RNF216: variants seen among roughly 807,000 people sequenced by gnomAD.
RNF216 encodes the protein ring finger protein 216, also known as E3 ubiquitin-protein ligase RNF216.
RNF216 carries 72 observed loss-of-function variants against 110.8 expected under a neutral mutation model. That is an observed-to-expected ratio of 0.65 (90% CI 0.54 to 0.79). RNF216 has a LOEUF of 0.79. RNF216 is among the 30% of genes least tolerant of loss of function. RNF216 has a pLI of 0.00. For missense variants in RNF216, 1,342 were observed against 1,141.2 expected, an observed-to-expected ratio of 1.18 and a Z score of -2.54; for synonymous variants, 495 against 407.5, an observed-to-expected ratio of 1.21 and a Z score of -2.59.
At position 5,641,212 on chromosome 7, in the gene RNF216, C is replaced by T; in HGVS notation, c.2324G>A (p.Arg775His). The T allele has an allele frequency of 6.2e-7, 1 of 1,614,086 alleles. No individual in the cohort carries two copies. The highest frequency in any genetic ancestry group is 8.5e-7 in the Non-Finnish European group (1 of 1,180,018). The change falls in exon 15 of 17, where the codon CGC (arginine) becomes CAC (histidine). Residue 775 changes from arginine (R) to histidine (H), a missense_variant. Coordinates refer to ENST00000389902, the MANE Select transcript of RNF216 (RefSeq NM_207111.4). ...CTCCTGGCAAGGGGCTCCTGGTGAGCGGGGATGTTGGCAGAAATGGTCATA... is the reference window on the plus strand; with the variant it reads ...CTCCTGGCAAGGGGCTCCTGGTGAGTGGGGATGTTGGCAGAAATGGTCATA... ...NGYDHFCQHP[R>H]SPGAPCQECS...
rs1791656022 is a variant in RNF216 at position 5,696,767 on chromosome 7, A to G, written c.2061+14994T>C. ...AAAGTAATCACAGCAAATACCTGCA[A>G]CATTGTACGAACGGGCTCTGGGAGG... On this transcript the variant is annotated intron_variant, in intron 13 of 16. Coordinates refer to ENST00000389902, the MANE Select transcript of RNF216 (RefSeq NM_207111.4). The surrounding 1 kb of genome is among the most constrained non-coding windows in gnomAD (Gnocchi z 5.4). 1.3e-5 allele frequency among the ~76,000 whole-genome samples: 2 copies of G among 152,198 alleles called. No homozygotes were observed. The highest frequency in any genetic ancestry group is 4.8e-5 in the African/African-American group (2 of 41,438).
At chr7:5,707,785 ACAAT>A (rs36009601) in intron 13 of RNF216, among the ~76,000 whole-genome samples, 1,700 of 138,244 alleles carry the variant, frequency 0.012, 11 homozygotes, top group Non-Finnish European at 0.019. Flanking sequence ...GTACAGCGGC[ACAAT>A]CTCTGCTCAC....
chr7:5,674,202 G>T (rs983635265), intron 13 of RNF216, among the ~76,000 whole-genome samples: 1 of 151,906 alleles, frequency 6.6e-6, no homozygotes, highest in African/African-American at 2.4e-5. Context: ...GCTAATTTTT[G>T]TATTTTTAGT....
intron 13 of RNF216, among the ~76,000 whole-genome samples, chr7:5,672,584 A>G (rs1034655061): frequency 3.9e-5 from 6 of 152,216 alleles, no homozygotes; most frequent in African/African-American, 1.4e-4. Flanking sequence ...TTCATAAAAC[A>G]CATGTTGAAT....
chr7:5,674,183 C>A (rs1790116104), intron 13 of RNF216, among the ~76,000 whole-genome samples: 1 of 152,082 alleles, frequency 6.6e-6, no homozygotes, highest in Non-Finnish European at 1.5e-5. Context: ...GCACCCACCA[C>A]CACGCCCAGC....
chr7:5,635,684 A>G (rs1188102291), intron 15 of RNF216, among the ~76,000 whole-genome samples: 1 of 152,206 alleles, frequency 6.6e-6, no homozygotes, highest in Non-Finnish European at 1.5e-5. Context: ...TACTCCGAGG[A>G]CAAATGACCC....
chr7:5,726,253 G>A (rs952864798), intron 7 of RNF216, among the ~76,000 whole-genome samples: 1 of 152,158 alleles, frequency 6.6e-6, no homozygotes, highest in African/African-American at 2.4e-5. Flanking sequence ...TCCATCCTGG[G>A]TAACACAGGA....
At chr7:5,733,771 A>G (rs1447129134) in intron 5 of RNF216, among the ~76,000 whole-genome samples, 1 of 152,224 alleles carries the variant, frequency 6.6e-6, no homozygotes, top group African/African-American at 2.4e-5. Flanking sequence ...CAATTAGCAA[A>G]GAAATGTCAC....
intron 1 of RNF216, among the ~76,000 whole-genome samples, chr7:5,769,228 CT>C (rs1796366411): frequency 6.6e-6 from 1 of 151,394 alleles, no homozygotes; most frequent in Non-Finnish European, 1.5e-5. Context: ...AGTGATTCTC[CT>C]GCCTCAGCCT....
At chr7:5,687,403 AAAAAAAAAAAAG>A (rs1791058244) in intron 13 of RNF216, among the ~76,000 whole-genome samples, 2 of 146,604 alleles carry the variant, frequency 1.4e-5, no homozygotes, top group African/African-American at 5.4e-5. Context: ...TCAAAAAAAA[AAAAAAAAAAAAG>A]AAAAAGAAAA....
chr7:5,707,218 T>A (rs1356269296), intron 13 of RNF216, among the ~76,000 whole-genome samples: 1 of 152,242 alleles, frequency 6.6e-6, no homozygotes, highest in Non-Finnish European at 1.5e-5. Context: ...TTCTTCTTTC[T>A]TAAGACTGTC....
intron 13 of RNF216, among the ~76,000 whole-genome samples, chr7:5,691,256 G>A (rs934004837): frequency 6.6e-6 from 1 of 152,170 alleles, no homozygotes; most frequent in African/African-American, 2.4e-5. Context: ...CTCGCCACTC[G>A]GGCCGACGGC....
In RNF216 at chr7:5,723,722, A is replaced by G. The variant is rs567569078; in HGVS notation, c.1504+1602T>C. On this transcript the variant is annotated intron_variant, in intron 8 of 16. Transcript: ENST00000389902. ...TAATGTATTTTCCTGCATGACCATA[A>G]AAAGGACAGAGGAGGGAGAACCGTG... is the stretch of plus-strand genomic sequence containing the variant. Among the ~76,000 whole-genome samples the G allele has an allele frequency of 5.9e-5, 9 of 152,314 alleles. No homozygotes were observed. The South Asian group carries it at 1.7e-3, about 28-fold the overall frequency.
intron 4 of RNF216, 43 bp downstream of exon 4, chr7:5,740,930 A>G: frequency 6.7e-7 from 1 of 1,486,416 alleles, no homozygotes; most frequent in African/African-American, 1.4e-5. Context: ...AAAAAAACTC[A>G]GTATATGTAG....
At chr7:5,657,477 G>C (rs762075981) in intron 13 of RNF216, among the ~76,000 whole-genome samples, 5 of 152,122 alleles carry the variant, frequency 3.3e-5, no homozygotes, top group Admixed American at 6.6e-5. Context: ...TGAGGCAGGA[G>C]AATAGCTTGA....
intron 8 of RNF216, among the ~76,000 whole-genome samples, chr7:5,722,369 G>GTTTTTTTTTTTTTTTTTT (rs36102190): frequency 7.0e-6 from 1 of 143,602 alleles, no homozygotes; most frequent in Non-Finnish European, 1.5e-5. Flanking sequence ...TCATTCTCAT[G>GTTTTTTTTTTTTTTTTTT]TTTTTTTTTT....
chr7:5,712,395 C>G (rs1456079199), intron 12 of RNF216, among the ~76,000 whole-genome samples: 2 of 151,796 alleles, frequency 1.3e-5, no homozygotes, highest in African/African-American at 4.8e-5. Flanking sequence ...ATTGCTTGAA[C>G]TCAGGAGGCG....
At chr7:5,765,254 G>C (rs967634229) in intron 1 of RNF216, among the ~76,000 whole-genome samples, 3 of 151,854 alleles carry the variant, frequency 2.0e-5, no homozygotes, top group African/African-American at 7.3e-5. Flanking sequence ...TTAAGGTCAG[G>C]AGTTGAGACC....
At chr7:5,708,318 G>T (rs1584487244) in intron 13 of RNF216, among the ~76,000 whole-genome samples, 1 of 152,200 alleles carries the variant, frequency 6.6e-6, no homozygotes, top group Non-Finnish European at 1.5e-5. Flanking sequence ...AACAATGATT[G>T]AAAGTGAGGT....
Sources: allele counts gnomAD v4.1 joint callset (sites outside exome capture counted in the v4.1 genomes callset), GRCh38; gene constraint gnomAD v4.1.1; non-coding constraint Gnocchi (gnomAD v3.1); transcripts MANE v1.5; gene names NCBI Gene and HGNC (gene_info 2026-07-23, HGNC 2026-07-21).